Variants in GLRA3 observed in about 807,000 individuals in gnomAD.
The protein encoded by GLRA3 is glycine receptor subunit alpha-3.
In GLRA3, 44 loss-of-function variants were observed where a neutral mutation model predicts 60.4. The ratio of observed to expected loss-of-function variants is 0.73; its 90% CI spans 0.57 to 0.94. The LOEUF (loss-of-function observed/expected upper bound fraction) is 0.94. GLRA3 is among the 40% of genes least tolerant of loss of function. The pLI is 0.00. For missense variants in GLRA3, 508 were observed against 564.6 expected, an observed-to-expected ratio of 0.90 and a Z score of 1.02; for synonymous variants, 223 against 192.9, an observed-to-expected ratio of 1.16 and a Z score of -1.29.
intron 4 of GLRA3, among the ~76,000 whole-genome samples, chr4:174,724,444 C>A (rs565183502): frequency 3.3e-5 from 5 of 152,006 alleles, no homozygotes; most frequent in Non-Finnish European, 7.4e-5. Flanking sequence ...GAAATCTTAC[C>A]GGTCTCATTA....
chr4:174,809,853 A>AT lies in GLRA3; in HGVS notation c.71+18887dup, dbSNP rs1355728849. 1.1e-4 allele frequency among the ~76,000 whole-genome samples: 17 copies of AT among 152,294 alleles called. No homozygotes were observed. The Middle Eastern group carries it at 0.01, about 91-fold the overall frequency. On this transcript the variant is annotated intron_variant, in intron 1 of 9. Transcript: ENST00000274093. ...ATTAGAGTGCTATCCTCACCATTTG[A>AT]TTTTTTAATCCATATGCAAATTTTA...
At chr4:174,785,392 A>T (rs1739081988) in intron 2 of GLRA3, among the ~76,000 whole-genome samples, 1 of 152,168 alleles carries the variant, frequency 6.6e-6, no homozygotes, top group Admixed American at 6.5e-5. Flanking sequence ...CACAAATTTT[A>T]TACTATTACT....
intron 4 of GLRA3, among the ~76,000 whole-genome samples, chr4:174,721,822 T>C (rs919348458): frequency 1.4e-4 from 21 of 151,294 alleles, no homozygotes; most frequent in Non-Finnish European, 1.5e-4. Flanking sequence ...AATATGTGTG[T>C]GTATATATAT....
intron 4 of GLRA3, among the ~76,000 whole-genome samples, chr4:174,720,211 A>G (rs1449285769): frequency 6.6e-6 from 1 of 152,178 alleles, no homozygotes; most frequent in Non-Finnish European, 1.5e-5. Context: ...ATGGGATTCC[A>G]TTATTCTGTG....
At chr4:174,713,136 A>G (rs1226548412) in intron 5 of GLRA3, among the ~76,000 whole-genome samples, 2 of 152,142 alleles carry the variant, frequency 1.3e-5, no homozygotes, top group Non-Finnish European at 2.9e-5. Flanking sequence ...ATGGTTAGCT[A>G]AATTAAAATT....
intron 1 of GLRA3, among the ~76,000 whole-genome samples, chr4:174,799,266 A>T (rs1339881135): frequency 1.3e-5 from 2 of 152,208 alleles, no homozygotes; most frequent in African/African-American, 4.8e-5. Context: ...AGGCCACTCA[A>T]ATATTGAAAG....
chr4:174,647,232 C>A (rs931502348), intron 9 of GLRA3, among the ~76,000 whole-genome samples: 5 of 152,026 alleles, frequency 3.3e-5, no homozygotes, highest in Non-Finnish European at 5.9e-5. Flanking sequence ...CATGGTGAAA[C>A]CCCATCTCTA....
intron 2 of GLRA3, among the ~76,000 whole-genome samples, chr4:174,784,921 T>C (rs1262323193): frequency 6.6e-6 from 1 of 152,132 alleles, no homozygotes; most frequent in Non-Finnish European, 1.5e-5. Context: ...TTAATACTAT[T>C]CTGGAGGGGA....
intron 5 of GLRA3, among the ~76,000 whole-genome samples, chr4:174,705,198 C>T (rs1735468932): frequency 1.4e-5 from 2 of 143,862 alleles, no homozygotes; most frequent in African/African-American, 5.0e-5. Flanking sequence ...CATGAGGTCT[C>T]TACCCTCATA....
chr4:174,643,779 C>G lies in GLRA3; in HGVS notation c.*7G>C. On this transcript the variant is annotated 3_prime_UTR_variant, in exon 10 of 10. Transcript: ENST00000274093. ...TTGACCATTTGCATTTGCATGCCCC[C>G]AGAGACTTAATCTTGCTGCTGATGA... The G allele has an allele frequency of 6.2e-7, 1 of 1,609,470 alleles. No homozygotes were observed. The highest frequency in any genetic ancestry group is 8.5e-7 in the Non-Finnish European group (1 of 1,176,944).
At chr4:174,715,824 T>G (rs528515063) in intron 4 of GLRA3, among the ~76,000 whole-genome samples, 16 of 152,318 alleles carry the variant, frequency 1.1e-4, no homozygotes, top group Non-Finnish European at 5.9e-5. Context: ...TTAAAAGTGC[T>G]GGCAAAACAG....
At chr4:174,778,519 G>A (rs1184343894) in intron 2 of GLRA3, among the ~76,000 whole-genome samples, 1 of 152,160 alleles carries the variant, frequency 6.6e-6, no homozygotes, top group Non-Finnish European at 1.5e-5. Context: ...CTCCCAGCGT[G>A]ACCGATGCAG....
intron 4 of GLRA3, among the ~76,000 whole-genome samples, chr4:174,717,648 A>G (rs1310921082): frequency 2.0e-5 from 3 of 152,200 alleles, no homozygotes; most frequent in Non-Finnish European, 2.9e-5. Context: ...GTCAGAGTCC[A>G]TAACACACTA....
At chr4:174,718,186 A>C (rs1735996228) in intron 4 of GLRA3, among the ~76,000 whole-genome samples, 2 of 152,210 alleles carry the variant, frequency 1.3e-5, no homozygotes, top group African/African-American at 4.8e-5. Flanking sequence ...CTTTCACAGC[A>C]TACTGAAAAA....
chr4:174,807,405 C>G (rs150259057), intron 1 of GLRA3, among the ~76,000 whole-genome samples: 194 of 152,084 alleles, frequency 1.3e-3, no homozygotes, highest in Admixed American at 2.2e-3. Context: ...AAGGAGATAA[C>G]AGCAAACGAG....
chr4:174,706,901 A>T (rs1402571424), intron 5 of GLRA3, among the ~76,000 whole-genome samples: 1 of 152,194 alleles, frequency 6.6e-6, no homozygotes, highest in Non-Finnish European at 1.5e-5. Context: ...TTAAGATTAT[A>T]TCTGTGAACA....
chr4:174,646,439 T>C (rs1428460804), intron 9 of GLRA3, among the ~76,000 whole-genome samples: 1 of 152,198 alleles, frequency 6.6e-6, no homozygotes, highest in African/African-American at 2.4e-5. Context: ...AAGCATCATT[T>C]CCTTGAAAAC....
rs115140264 is a variant in GLRA3, at chr4:174,803,465, A to G, written c.72-14522T>C. On this transcript the variant is annotated intron_variant, in intron 1 of 9. Coordinates refer to ENST00000274093, the MANE Select transcript of GLRA3 (RefSeq NM_006529.4). ...TCAAGATAATAAAATGTAAGGTACCATGATACAATGGATGAGGCTCCAGAT... is the reference window on the plus strand; with the variant it reads ...TCAAGATAATAAAATGTAAGGTACCGTGATACAATGGATGAGGCTCCAGAT... Among the ~76,000 whole-genome samples, 872 of 152,290 alleles carry G rather than the reference A, an allele frequency of 5.7e-3. 7 individuals carry two copies. The highest frequency in any genetic ancestry group is 0.019 in the African/African-American group (805 of 41,572).
intron 9 of GLRA3, among the ~76,000 whole-genome samples, chr4:174,649,963 C>A (rs892942818): frequency 2.6e-5 from 4 of 151,994 alleles, no homozygotes; most frequent in African/African-American, 4.8e-5. Flanking sequence ...CAATTTGGTC[C>A]AGATCATTGT....
Sources: allele counts gnomAD v4.1 joint callset (sites outside exome capture counted in the v4.1 genomes callset), GRCh38; gene constraint gnomAD v4.1.1; transcripts MANE v1.5; gene names NCBI Gene and HGNC (gene_info 2026-07-23, HGNC 2026-07-21).